RTL4: variants seen among roughly 807,000 people sequenced by gnomAD.
RTL4 encodes retrotransposon Gag-like protein 4.
RTL4 carries 4 observed loss-of-function variants against 5.3 expected under a neutral mutation model. The observed-to-expected ratio is 0.75, with a 90% CI of 0.37 to 1.72. RTL4 has a LOEUF of 1.72. Ranked by LOEUF, RTL4 falls within the 40% of genes most tolerant of loss-of-function variation. The probability of loss-of-function intolerance (pLI) is 0.04; values close to 1 mark genes in which losing one functional copy is unlikely to be tolerated. For missense variants in RTL4, 260 were observed against 227.1 expected, an observed-to-expected ratio of 1.14 and a Z score of -0.93; for synonymous variants, 98 against 87.3, an observed-to-expected ratio of 1.12 and a Z score of -0.68.
chrX:112,247,690 G>T, the RTL4 span, among the ~76,000 whole-genome samples: 1 of 112,080 alleles, frequency 8.9e-6, no homozygotes, highest in African/African-American at 3.2e-5. Context: ...ATTAAATCCC[G>T]GTTTGATGCC....
the RTL4 span, among the ~76,000 whole-genome samples, chrX:112,320,766 G>T: frequency 7.3e-3 from 813 of 111,355 alleles, 5 homozygotes; most frequent in African/African-American, 0.025. Flanking sequence ...TGGCTTCAAA[G>T]TCATATTAAC....
the RTL4 span, among the ~76,000 whole-genome samples, chrX:112,157,341 G>A: frequency 9.0e-6 from 1 of 110,951 alleles, no homozygotes; most frequent in African/African-American, 3.3e-5. Context: ...TGGCCTAAAT[G>A]ATCCCTAAGT....
chrX:112,455,644 AAC>A lies in RTL4; in HGVS notation c.920_921del (p.Thr307SerfsTer23). On this transcript the variant is annotated frameshift_variant, in exon 1 of 1. Coordinates refer to ENST00000340433, the Ensembl canonical transcript of RTL4. LOFTEE classifies it high-confidence loss of function. ...TTCTCGAGCTCCGGCAACGACAAAT[AAC>A]ACAGCTCACCAGTAAGAGGAGACCA... 8.3e-7 allele frequency: 1 copy of A among 1,206,959 alleles called. No homozygotes were observed. Among genetic ancestry groups the A allele is most frequent in the South Asian group, 1.8e-5 (1 of 56,257 alleles).
chrX:112,359,936 A>T, the RTL4 span, among the ~76,000 whole-genome samples: 1,681 of 111,596 alleles, frequency 0.015, 34 homozygotes, highest in African/African-American at 0.052. Flanking sequence ...TAGAATGAAG[A>T]TCTTGTAGAA....
chrX:112,371,230 A>G, the RTL4 span, among the ~76,000 whole-genome samples: 1 of 111,209 alleles, frequency 9.0e-6, no homozygotes, highest in East Asian at 2.8e-4. Context: ...TTATTTCTTA[A>G]AAAACATCGG....
At chrX:112,453,055 A>G (rs919655313), upstream of RTL4, among the ~76,000 whole-genome samples, 1 of 109,580 alleles carries the variant, frequency 9.1e-6, no homozygotes, top group African/African-American at 3.3e-5. Context: ...AGTAATCCTC[A>G]TTAGGTAAAA....
At chrX:112,255,478 A>G in the RTL4 span, among the ~76,000 whole-genome samples, 1 of 111,892 alleles carries the variant, frequency 8.9e-6, no homozygotes, top group Non-Finnish European at 1.9e-5. Flanking sequence ...CTGAGCCTCA[A>G]TTTTATCCTC....
At chrX:112,176,450 G>A in the RTL4 span, among the ~76,000 whole-genome samples, 5 of 111,765 alleles carry the variant, frequency 4.5e-5, no homozygotes, top group Non-Finnish European at 7.5e-5. Context: ...AATTTCAGGA[G>A]CTGGGCCTGG....
the RTL4 span, among the ~76,000 whole-genome samples, chrX:112,359,115 T>TTTTTAATTAAATCTAGGACCTACCTA: frequency 9.0e-6 from 1 of 111,630 alleles, no homozygotes; most frequent in South Asian, 3.7e-4. Context: ...TAATTAAATA[T>TTTTTAATTAAATCTAGGACCTACCTA]GTTTTTTAAA....
chrX:112,118,655 G>T, the RTL4 span, among the ~76,000 whole-genome samples: 1 of 111,991 alleles, frequency 8.9e-6, no homozygotes. Flanking sequence ...GAGTCACCTT[G>T]AAGGCTGGAC....
chrX:112,222,061 C>A, the RTL4 span, among the ~76,000 whole-genome samples: 1 of 111,828 alleles, frequency 8.9e-6, no homozygotes, highest in South Asian at 3.8e-4. Context: ...AGGGTAAGTT[C>A]TATGATATCA....
the RTL4 span, among the ~76,000 whole-genome samples, chrX:112,126,076 T>A: frequency 9.0e-6 from 1 of 111,280 alleles, no homozygotes; most frequent in Non-Finnish European, 1.9e-5. Flanking sequence ...AGGGTGATCA[T>A]CCCATCCCAG....
chrX:112,261,036 A>T, the RTL4 span, among the ~76,000 whole-genome samples: 22 of 111,704 alleles, frequency 2.0e-4, no homozygotes, highest in African/African-American at 7.1e-4. Context: ...CCTCGACTTA[A>T]ATTAATTCAT....
the RTL4 span, among the ~76,000 whole-genome samples, chrX:112,255,686 G>A: frequency 3.6e-5 from 4 of 111,642 alleles, no homozygotes; most frequent in African/African-American, 1.3e-4. Context: ...GGAGGTCCTA[G>A]TGGTGCTATT....
At chrX:112,218,633 T>C in the RTL4 span, among the ~76,000 whole-genome samples, 1 of 112,081 alleles carries the variant, frequency 8.9e-6, no homozygotes, top group African/African-American at 3.2e-5. Flanking sequence ...AGATGTGGTA[T>C]GATCACCACT....
chrX:112,254,093 C>G, the RTL4 span, among the ~76,000 whole-genome samples: 2 of 111,505 alleles, frequency 1.8e-5, no homozygotes, highest in African/African-American at 6.5e-5. Context: ...TCTTTAAAAT[C>G]CTACTCAGTA....
chrX:112,214,417 A>G, the RTL4 span, among the ~76,000 whole-genome samples: 28 of 112,311 alleles, frequency 2.5e-4, no homozygotes, highest in Non-Finnish European at 4.3e-4. Context: ...TCATTTGCAC[A>G]TGGAAATTTA....
At chrX:112,455,153 A>C (rs1406423812) in exon 1 of RTL4, 1 of 1,210,105 alleles carries the variant, frequency 8.3e-7, no homozygotes, top group African/African-American at 1.7e-5. Context: ...CCCACAAAAC[A>C]GGAAATCAAT....
At chrX:112,292,366 A>G in the RTL4 span, among the ~76,000 whole-genome samples, 1 of 111,771 alleles carries the variant, frequency 8.9e-6, no homozygotes, top group African/African-American at 3.3e-5. Context: ...CCTGTGGTCC[A>G]GTATCTCCCC....
Sources: gnomAD v4.1 joint callset for allele counts (sites outside exome capture counted in the v4.1 genomes callset) on GRCh38, gnomAD v4.1.1 for gene constraint, MANE v1.5 for transcripts, NCBI Gene and HGNC (gene_info 2026-07-23, HGNC 2026-07-21) for gene names.